The following ANKFN1 variants were observed in gnomAD, a reference collection of about 807,000 sequenced individuals.
The protein encoded by ANKFN1 is ankyrin repeat and fibronectin type III domain containing 1.
ANKFN1 carries 74 observed loss-of-function variants against 108.7 expected under a neutral mutation model. The observed-to-expected ratio is 0.68, with a 90% CI of 0.56 to 0.83. The LOEUF (loss-of-function observed/expected upper bound fraction) is 0.83. ANKFN1 is among the 40% of genes least tolerant of loss of function. The pLI is 0.00. For missense variants in ANKFN1, 1,505 were observed against 1,382.3 expected, an observed-to-expected ratio of 1.09 and a Z score of -1.41; for synonymous variants, 547 against 516.2, an observed-to-expected ratio of 1.06 and a Z score of -0.81.
chr17:56,424,882 G>A (rs184548049), intron 8 of ANKFN1, among the ~76,000 whole-genome samples: 1 of 152,210 alleles, frequency 6.6e-6, no homozygotes, highest in Admixed American at 6.5e-5. Context: ...CTGTCAAAGG[G>A]GATTTCAGCT....
rs559237919 is a variant in ANKFN1, at chr17:56,256,045, G to GTAATTT, written c.53+28090_53+28095dup. On this transcript the variant is annotated intron_variant, in intron 3 of 20. Transcript: ENST00000682825. ...AATAAATAAATAAAATATAGAGATA[G>GTAATTT]TAATTTTGCCTGAAGAAAGAATGTA... 1.9e-3 allele frequency among the ~76,000 whole-genome samples: 286 copies of GTAATTT among 152,212 alleles called. 3 individuals are homozygous for GTAATTT. The highest frequency in any genetic ancestry group is 6.6e-3 in the African/African-American group (274 of 41,528).
At chr17:56,248,414 C>T (rs2043164529) in intron 3 of ANKFN1, among the ~76,000 whole-genome samples, 1 of 152,204 alleles carries the variant, frequency 6.6e-6, no homozygotes, top group African/African-American at 2.4e-5. Flanking sequence ...TTAGTATACA[C>T]AATCTCATAG....
chr17:56,264,183 C>G (rs911046986), intron 3 of ANKFN1, among the ~76,000 whole-genome samples: 2 of 152,186 alleles, frequency 1.3e-5, no homozygotes, highest in Admixed American at 1.3e-4. Context: ...GTGGAAAAGC[C>G]ACAGAATAAA....
intron 4 of ANKFN1, among the ~76,000 whole-genome samples, chr17:56,147,591 A>G (rs1006884099): frequency 6.6e-6 from 1 of 151,678 alleles, no homozygotes; most frequent in Non-Finnish European, 1.5e-5. Context: ...ATTCCCTATC[A>G]TGAGAACCGC....
At chr17:56,187,276 G>T (rs1331851250) in intron 1 of ANKFN1, among the ~76,000 whole-genome samples, 2 of 152,100 alleles carry the variant, frequency 1.3e-5, no homozygotes, top group Non-Finnish European at 2.9e-5. Context: ...GTGGGCAAAG[G>T]ATATGAACAG....
intron 4 of ANKFN1, among the ~76,000 whole-genome samples, chr17:56,103,456 A>C (rs1905686480): frequency 6.6e-6 from 1 of 152,170 alleles, no homozygotes; most frequent in Non-Finnish European, 1.5e-5. Context: ...GGAGAGCAGC[A>C]TGTATCATGG....
At position 56,509,431 on chromosome 17, in the gene ANKFN1, AG is replaced by A. The variant is rs2051672562; in HGVS notation, c.2645-1041del. 2.6e-5 allele frequency among the ~76,000 whole-genome samples: 4 copies of A among 152,322 alleles called. No homozygotes were observed. The South Asian group carries it at 8.3e-4, about 32-fold the overall frequency. ...AGTTACAGGCAAACTGGAAGGAAAG[AG>A]AAAGAATGTAATGACCCAGCTAAGC... On this transcript the variant is annotated intron_variant, in intron 20 of 20. Transcript: ENST00000682825.
chr17:56,210,783 T>A (rs1914928623), intron 1 of ANKFN1, among the ~76,000 whole-genome samples: 1 of 152,152 alleles, frequency 6.6e-6, no homozygotes, highest in African/African-American at 2.4e-5. Flanking sequence ...GGAGAGAGAA[T>A]GAGAGCCAGC....
intron 8 of ANKFN1, among the ~76,000 whole-genome samples, chr17:56,430,415 A>G (rs1162706394): frequency 6.6e-6 from 1 of 151,992 alleles, no homozygotes; most frequent in East Asian, 1.9e-4. Context: ...AATGGTAAAA[A>G]GTTATAGTTA....
chr17:56,407,268 G>A (rs1048291373), intron 8 of ANKFN1, among the ~76,000 whole-genome samples: 1 of 152,142 alleles, frequency 6.6e-6, no homozygotes, highest in African/African-American at 2.4e-5. Flanking sequence ...GAGAAATGAC[G>A]TAGGAGTAGT....
chr17:56,140,590 G>C (rs998418279), intron 4 of ANKFN1, among the ~76,000 whole-genome samples: 4 of 152,126 alleles, frequency 2.6e-5, no homozygotes, highest in Admixed American at 1.3e-4. Flanking sequence ...CCACCTAGTA[G>C]CTGGATGACC....
rs543716955 is a variant in ANKFN1 at position 56,412,225 on chromosome 17, G to A, written c.911-28102G>A. 3.3e-5 allele frequency among the ~76,000 whole-genome samples: 5 copies of A among 152,214 alleles called. No homozygotes were observed. In the East Asian group the frequency reaches 9.7e-4, roughly 29 times the overall value. On this transcript the variant is annotated intron_variant, in intron 8 of 20. Coordinates refer to ENST00000682825, the MANE Select transcript of ANKFN1 (RefSeq NM_001370326.1). The stretch of plus-strand genomic sequence containing the variant: ...CAGTCTTGGTATGTTGTGTGTTTCT[G>A]GGAATTCGCCATTTCTTCTAGATTA...
chr17:56,300,567 C>T (rs1305625663), intron 3 of ANKFN1, among the ~76,000 whole-genome samples: 1 of 151,128 alleles, frequency 6.6e-6, no homozygotes, highest in Non-Finnish European at 1.5e-5. Flanking sequence ...AGCCTTTCCT[C>T]TCTCCCTTAG....
At position 56,374,658 on chromosome 17, in the gene ANKFN1, C is replaced by T. The variant is rs774625045; in HGVS notation, c.854C>T (p.Thr285Ile). Reference protein sequence around the residue: ...CLMVTSSTSLTVSFQEPLSVN... With the variant: ...CLMVTSSTSLIVSFQEPLSVN... The stretch of plus-strand genomic sequence containing the variant: ...ATGGTAACCAGCAGCACATCACTCA[C>T]TGTCAGCTTCCAAGAGCCTCTTAGC... The change falls in exon 8 of 21, where the codon ACT becomes ATT. Residue 285 changes from threonine (T) to isoleucine (I), a missense_variant. By Grantham distance (89) the Thr-to-Ile change is moderately conservative (BLOSUM62 -1). Coordinates refer to ENST00000682825, the MANE Select transcript of ANKFN1 (RefSeq NM_001370326.1). 1.2e-6 allele frequency: 2 copies of T among 1,613,994 alleles called. No homozygotes were observed. The highest frequency in any genetic ancestry group is 2.2e-5 in the South Asian group (2 of 91,072).
rs1334249931 is a variant in ANKFN1 at position 56,153,539 on chromosome 17, A to G, written c.-71+9A>G. ...AGGCGTCTCTAACCAGGGTAGGAAA[A>G]CAATAGTTCTAAATATCGGTAATTG... On this transcript the variant is annotated intron_variant, in intron 1 of 20. Transcript: ENST00000682825. 6.2e-7 allele frequency: 1 copy of G among 1,613,844 alleles called. No homozygotes were observed. The highest frequency in any genetic ancestry group is 8.5e-7 in the Non-Finnish European group (1 of 1,179,824).
chr17:56,377,964 C>A (rs1008549836), intron 8 of ANKFN1, among the ~76,000 whole-genome samples: 1 of 152,140 alleles, frequency 6.6e-6, no homozygotes, highest in Non-Finnish European at 1.5e-5. Context: ...TGGGTGGTAT[C>A]CTTGCCCGTG....
chr17:56,137,902 A>G (rs894793774), intron 4 of ANKFN1, among the ~76,000 whole-genome samples: 2 of 152,226 alleles, frequency 1.3e-5, no homozygotes, highest in African/African-American at 4.8e-5. Flanking sequence ...TCTCACAAAC[A>G]TTAGCCTCAT....
chr17:56,048,341 T>C (rs1904715640), intron 4 of ANKFN1, among the ~76,000 whole-genome samples: 1 of 152,336 alleles, frequency 6.6e-6, no homozygotes, highest in East Asian at 1.9e-4. Flanking sequence ...TTGATATTAC[T>C]AAGAAAATAT....
chr17:56,468,375 C>G (rs904054665), intron 15 of ANKFN1, among the ~76,000 whole-genome samples: 20 of 152,130 alleles, frequency 1.3e-4, no homozygotes, highest in African/African-American at 4.3e-4. Flanking sequence ...CTCTGCCTCA[C>G]ACATTCTTTT....
Sources: allele counts gnomAD v4.1 joint callset (sites outside exome capture counted in the v4.1 genomes callset), GRCh38; gene constraint gnomAD v4.1.1; transcripts MANE v1.5; gene names NCBI Gene and HGNC (gene_info 2026-07-23, HGNC 2026-07-21).